Variants in CBFA2T2 observed in about 807,000 individuals in gnomAD.
CBFA2T2 encodes the protein protein CBFA2T2.
In CBFA2T2, 11 loss-of-function variants were observed where a neutral mutation model predicts 62.2. The observed-to-expected ratio is 0.18, with a 90% confidence interval of 0.11 to 0.29. The LOEUF is 0.29. Among genes scored for constraint, CBFA2T2 ranks in the 10% least tolerant of loss-of-function variants. The pLI, the probability that CBFA2T2 is intolerant of heterozygous loss-of-function variation, is 1.00. For missense variants in CBFA2T2, 592 were observed against 774.1 expected (o/e 0.76, Z 2.79); for synonymous variants, 295 against 287.5 (o/e 1.03, Z -0.27).
chr20:33,505,413 A>G (rs1420049233), intron 1 of CBFA2T2, among the ~76,000 whole-genome samples: 2 of 152,200 alleles, frequency 1.3e-5, no homozygotes, highest in East Asian at 1.9e-4. Context: ...GATTAATTTT[A>G]TAGTACTCTC....
chr20:33,541,697 A>G (rs942445993), intron 1 of CBFA2T2, among the ~76,000 whole-genome samples: 1 of 152,212 alleles, frequency 6.6e-6, no homozygotes, highest in Non-Finnish European at 1.5e-5. Flanking sequence ...ATCTGAACTC[A>G]AAATTCTCCT....
At chr20:33,542,814 G>A (rs1393905851) in intron 1 of CBFA2T2, among the ~76,000 whole-genome samples, 3 of 151,934 alleles carry the variant, frequency 2.0e-5, no homozygotes, top group African/African-American at 7.3e-5. Flanking sequence ...TGGGACTACA[G>A]GCATATGCGG....
At chr20:33,550,686 G>C (rs1348568639) in intron 1 of CBFA2T2, among the ~76,000 whole-genome samples, 1 of 151,454 alleles carries the variant, frequency 6.6e-6, no homozygotes, top group Non-Finnish European at 1.5e-5. Context: ...GAAGTGGTGC[G>C]CTGTTAGCTC....
At chr20:33,512,830 G>A (rs551316228) in intron 1 of CBFA2T2, among the ~76,000 whole-genome samples, 14 of 150,014 alleles carry the variant, frequency 9.3e-5, no homozygotes, top group African/African-American at 3.4e-4. Flanking sequence ...CGGGCTGACT[G>A]CAAGCTCCGC....
intron 1 of CBFA2T2, among the ~76,000 whole-genome samples, chr20:33,544,885 T>C (rs1156374892): frequency 6.6e-6 from 1 of 152,006 alleles, no homozygotes; most frequent in Non-Finnish European, 1.5e-5. Flanking sequence ...TCAAACATGG[T>C]CAGGCATCTG....
chr20:33,517,425 A>G (rs2011618773), intron 1 of CBFA2T2, among the ~76,000 whole-genome samples: 2 of 150,734 alleles, frequency 1.3e-5, no homozygotes, highest in Admixed American at 1.3e-4. Context: ...ACTAATTCAT[A>G]GGACTGGTTT....
At chr20:33,590,225 C>T (rs576951541) in intron 1 of CBFA2T2, among the ~76,000 whole-genome samples, 6 of 150,096 alleles carry the variant, frequency 4.0e-5, no homozygotes, top group East Asian at 1.9e-4. Flanking sequence ...CCAGCTTGGA[C>T]GATGCTGTCT....
intron 1 of CBFA2T2, among the ~76,000 whole-genome samples, chr20:33,593,675 G>A (rs776245172): frequency 6.6e-6 from 1 of 152,152 alleles, no homozygotes; most frequent in Non-Finnish European, 1.5e-5. Flanking sequence ...TTACAGGCAT[G>A]AGCCAACACG....
intron 1 of CBFA2T2, among the ~76,000 whole-genome samples, chr20:33,575,933 A>T (rs1158597774): frequency 6.8e-6 from 1 of 147,750 alleles, no homozygotes; most frequent in Non-Finnish European, 1.5e-5. Flanking sequence ...GCCAGCCACC[A>T]CGCCTGGCTA....
intron 1 of CBFA2T2, among the ~76,000 whole-genome samples, chr20:33,513,641 G>A (rs371190414): frequency 4.0e-5 from 6 of 151,232 alleles, no homozygotes; most frequent in African/African-American, 1.5e-4. Context: ...GATTACAGGC[G>A]TGAGCCACCG....
chr20:33,639,864 G>A (rs2016767278), intron 9 of CBFA2T2, among the ~76,000 whole-genome samples: 1 of 152,218 alleles, frequency 6.6e-6, no homozygotes, highest in East Asian at 1.9e-4. Flanking sequence ...ACTCCAGCCT[G>A]GGCAACAGAG....
At chr20:33,523,927 G>A (rs1336906301) in intron 1 of CBFA2T2, among the ~76,000 whole-genome samples, 1 of 151,900 alleles carries the variant, frequency 6.6e-6, no homozygotes, top group East Asian at 1.9e-4. Context: ...GAGGTGATCC[G>A]CCCGCCTCGG....
rs1360853860 is a variant in CBFA2T2, at chr20:33,647,555, A to G, written c.*2909A>G. 1 of 152,256 alleles carries G rather than the reference A, an allele frequency of 6.6e-6. No homozygotes were observed. Among genetic ancestry groups the G allele is most frequent in the Non-Finnish European group, 1.5e-5 (1 of 68,062 alleles). 9.4% of individuals were successfully genotyped at this position (152,256 alleles called of 1,614,324 possible). Reference sequence around the variant, plus strand: ...CACCTTGGCCTCCCAAAGTGCCAGGATTACAGGCATGAGCCACTGTGTCCG... The same window carrying G: ...CACCTTGGCCTCCCAAAGTGCCAGGGTTACAGGCATGAGCCACTGTGTCCG... On this transcript the variant is annotated 3_prime_UTR_variant, in exon 11 of 11. Transcript: ENST00000342704.
At chr20:33,512,164 G>A (rs536195138) in intron 1 of CBFA2T2, among the ~76,000 whole-genome samples, 12 of 152,140 alleles carry the variant, frequency 7.9e-5, no homozygotes, top group African/African-American at 2.4e-4. Context: ...GCGACAGAGC[G>A]AGACTCTGTC....
chr20:33,504,561 G>A (rs751999233), intron 1 of CBFA2T2, among the ~76,000 whole-genome samples: 17 of 151,798 alleles, frequency 1.1e-4, no homozygotes, highest in East Asian at 1.9e-4. Flanking sequence ...GCACCGCCAC[G>A]CTTGGCTAAT....
chr20:33,627,112 G>A lies in CBFA2T2; in HGVS notation c.947-1238G>A, dbSNP rs548380494. On this transcript the variant is annotated intron_variant, in intron 6 of 10. Transcript: ENST00000342704. The stretch of plus-strand genomic sequence containing the variant: ...CTTTTATCTATTAAAAACTGCTTGC[G>A]GGCGGTCTGGCGTGGTGGTTCATGC... 9.2e-5 allele frequency among the ~76,000 whole-genome samples: 14 copies of A among 152,038 alleles called. No individual in the cohort carries two copies. In the South Asian group the frequency reaches 1.0e-3, roughly 11 times the overall value.
chr20:33,610,630 A>AT (rs1488729997), intron 2 of CBFA2T2, among the ~76,000 whole-genome samples: 2 of 152,118 alleles, frequency 1.3e-5, no homozygotes, highest in African/African-American at 2.4e-5. Flanking sequence ...AATATCCCTC[A>AT]TATTATCATA....
chr20:33,586,319 C>T (rs1363824571), intron 1 of CBFA2T2, among the ~76,000 whole-genome samples: 1 of 152,154 alleles, frequency 6.6e-6, no homozygotes, highest in Non-Finnish European at 1.5e-5. Context: ...GCTGGGACTA[C>T]AGGGACGGGG....
intron 1 of CBFA2T2, among the ~76,000 whole-genome samples, chr20:33,530,521 A>G (rs538952365): frequency 1.6e-4 from 25 of 152,076 alleles, no homozygotes; most frequent in Non-Finnish European, 3.4e-4. Context: ...GGGTTCATGC[A>G]ATTCTCCTGC....
Sources: allele counts gnomAD v4.1 joint callset (sites outside exome capture counted in the v4.1 genomes callset), GRCh38; gene constraint gnomAD v4.1.1; transcripts MANE v1.5; gene names NCBI Gene and HGNC (gene_info 2026-07-23, HGNC 2026-07-21).